RIMS2: variants seen among roughly 807,000 people sequenced by gnomAD.
The protein encoded by RIMS2 is regulating synaptic membrane exocytosis protein 2.
In RIMS2, 59 loss-of-function variants were observed where a neutral mutation model predicts 174.4. The ratio of observed to expected loss-of-function variants is 0.34; its 90% confidence interval spans 0.27 to 0.42. The LOEUF (loss-of-function observed/expected upper bound fraction) is 0.42. RIMS2 is among the 10% of genes least tolerant of loss of function. The pLI, the probability that RIMS2 is intolerant of heterozygous loss-of-function variation, is 1.00. For synonymous variants in RIMS2, 606 were observed against 572.5 expected, an observed-to-expected ratio of 1.06 and a Z score of -0.84; for missense variants, 1,620 against 1,666.3, an observed-to-expected ratio of 0.97 and a Z score of 0.48.
intron 17 of RIMS2, among the ~76,000 whole-genome samples, chr8:104,004,179 C>T (rs73699049): frequency 0.026 from 4,014 of 152,134 alleles, 198 homozygotes; most frequent in African/African-American, 0.091. Context: ...CTTGAAGTTA[C>T]CTAAGCTACA....
chr8:104,015,977 C>T (rs1028987891), intron 19 of RIMS2, among the ~76,000 whole-genome samples: 1 of 151,988 alleles, frequency 6.6e-6, no homozygotes, highest in Admixed American at 6.5e-5. Context: ...AGACTGCTTA[C>T]AGTATATCAG....
intron 1 of RIMS2, among the ~76,000 whole-genome samples, chr8:103,646,055 T>G (rs11783937): frequency 0.38 from 57,137 of 151,680 alleles, 11,098 homozygotes; most frequent in African/African-American, 0.4. Flanking sequence ...AGTTGTGGGG[T>G]TCACAAAGTG....
chr8:103,768,885 T>G (rs59732166), intron 3 of RIMS2: 66,080 of 509,406 alleles, frequency 0.13, 4,639 homozygotes, highest in Middle Eastern at 0.16. Flanking sequence ...CTAAGAAAAA[T>G]TAGGAAGAGG....
At chr8:103,728,249 C>A (rs1238491248) in intron 2 of RIMS2, among the ~76,000 whole-genome samples, 1 of 152,032 alleles carries the variant, frequency 6.6e-6, no homozygotes, top group African/African-American at 2.4e-5. Context: ...TTACTGTTGG[C>A]ATATAGAAAT....
At chr8:103,611,131 T>C (rs58003496) in intron 1 of RIMS2, among the ~76,000 whole-genome samples, 5,552 of 151,834 alleles carry the variant, frequency 0.037, 322 homozygotes, top group African/African-American at 0.12. Context: ...GTAGTAGTAG[T>C]CCCTGAGGGT....
intron 1 of RIMS2, among the ~76,000 whole-genome samples, chr8:103,660,898 A>G (rs966011964): frequency 6.6e-6 from 1 of 152,248 alleles, no homozygotes; most frequent in African/African-American, 2.4e-5. Flanking sequence ...AGTAAAACTT[A>G]TAAGTAATAT....
chr8:103,967,321 G>T (rs1480694550), intron 15 of RIMS2, among the ~76,000 whole-genome samples: 9 of 150,600 alleles, frequency 6.0e-5, no homozygotes, highest in African/African-American at 2.2e-4. Flanking sequence ...CTCCTGAGTA[G>T]CTGGGATTAC....
intron 3 of RIMS2, among the ~76,000 whole-genome samples, chr8:103,802,808 G>A (rs1055785216): frequency 6.6e-6 from 1 of 152,160 alleles, no homozygotes; most frequent in African/African-American, 2.4e-5. Flanking sequence ...GAAGTTTAAG[G>A]AGCAGAAATA....
At chr8:104,020,262 A>T (rs1387658920) in intron 19 of RIMS2, among the ~76,000 whole-genome samples, 1 of 151,932 alleles carries the variant, frequency 6.6e-6, no homozygotes, top group Non-Finnish European at 1.5e-5. Context: ...ATCATTAATC[A>T]CTATTGTCTA....
chr8:104,071,148 C>T (rs920508504), intron 19 of RIMS2, among the ~76,000 whole-genome samples: 1 of 152,162 alleles, frequency 6.6e-6, no homozygotes, highest in African/African-American at 2.4e-5. Flanking sequence ...CAAAGGAATA[C>T]TATAGGCATA....
At chr8:103,603,455 C>T (rs988581248) in intron 1 of RIMS2, among the ~76,000 whole-genome samples, 5 of 150,274 alleles carry the variant, frequency 3.3e-5, no homozygotes, top group African/African-American at 1.2e-4. Context: ...CCACAATAAA[C>T]ATACGTGTGC....
At chr8:103,929,075 G>A (rs899667672) in intron 11 of RIMS2, among the ~76,000 whole-genome samples, 3 of 151,498 alleles carry the variant, frequency 2.0e-5, no homozygotes, top group Non-Finnish European at 3.0e-5. Context: ...TCTATTAAAA[G>A]GTGTAATTTT....
intron 12 of RIMS2, among the ~76,000 whole-genome samples, chr8:103,936,153 T>C (rs886199336): frequency 1.6e-4 from 25 of 152,214 alleles, no homozygotes; most frequent in African/African-American, 6.0e-4. Context: ...TTTTGTAACA[T>C]GACTTCTGTA....
intron 19 of RIMS2, among the ~76,000 whole-genome samples, chr8:104,065,290 G>A (rs1454499687): frequency 2.0e-5 from 3 of 151,958 alleles, no homozygotes; most frequent in East Asian, 1.9e-4. Context: ...GAGCTGAAAC[G>A]AAGCTTAGGA....
chr8:103,594,234 C>A (rs1488929848), intron 1 of RIMS2, among the ~76,000 whole-genome samples: 3 of 151,394 alleles, frequency 2.0e-5, no homozygotes, highest in Admixed American at 2.0e-4. Flanking sequence ...TTTTTGTGGC[C>A]TATTTAGTGC....
chr8:103,787,962 G>A (rs1402115664), intron 3 of RIMS2, among the ~76,000 whole-genome samples: 1 of 151,962 alleles, frequency 6.6e-6, no homozygotes, highest in African/African-American at 2.4e-5. Context: ...TGGAGGCTTT[G>A]CTCATTTCTT....
intron 2 of RIMS2, among the ~76,000 whole-genome samples, chr8:103,747,045 C>A (rs186648321): frequency 1.4e-4 from 21 of 151,490 alleles, no homozygotes; most frequent in African/African-American, 4.6e-4. Flanking sequence ...CAACTCTATC[C>A]ATGTCCCTGC....
chr8:104,093,504 G>A (rs1379560014), intron 19 of RIMS2: 1 of 1,597,296 alleles, frequency 6.3e-7, no homozygotes, highest in East Asian at 2.2e-5. Flanking sequence ...TAGAGGGGCA[G>A]ATAATGTTTC....
At chr8:104,206,680 G>A (rs954671283) in intron 19 of RIMS2, among the ~76,000 whole-genome samples, 3 of 152,198 alleles carry the variant, frequency 2.0e-5, no homozygotes, top group African/African-American at 4.8e-5. Flanking sequence ...ATGGCTTACA[G>A]CTAGGATGTG....
Sources: allele counts gnomAD v4.1 joint callset (sites outside exome capture counted in the v4.1 genomes callset), GRCh38; gene constraint gnomAD v4.1.1; transcripts MANE v1.5; gene names NCBI Gene and HGNC (gene_info 2026-07-23, HGNC 2026-07-21).